The following CTNNA3 variants were observed in gnomAD, a reference collection of about 807,000 sequenced individuals.
CTNNA3 encodes the protein catenin alpha 3, also known as catenin alpha-3.
CTNNA3 carries 76 observed loss-of-function variants against 95.7 expected under a neutral mutation model. The ratio of observed to expected loss-of-function variants is 0.79; its 90% confidence interval spans 0.66 to 0.96. CTNNA3 has a LOEUF of 0.96. CTNNA3 is among the 40% of genes least tolerant of loss of function. The pLI, the probability that CTNNA3 is intolerant of heterozygous loss-of-function variation, is 0.00. For missense variants in CTNNA3, 1,191 were observed against 1,089.8 expected (o/e 1.09, Z -1.31); for synonymous variants, 431 against 374.4 (o/e 1.15, Z -1.74).
At position 66,915,075 on chromosome 10, in the gene CTNNA3, G is replaced by A. The variant is rs372104719; in HGVS notation, c.1048-139551C>T. On this transcript the variant is annotated intron_variant, in intron 7 of 17. Transcript: ENST00000433211. ...AAATTTGTCCAATAGAAGTTTCAGA[G>A]AAAGAGAACAAAGAAAAATGTGGAG... 1.8e-4 allele frequency among the ~76,000 whole-genome samples: 27 copies of A among 150,642 alleles called. No individual in the cohort carries two copies. In the South Asian group the frequency reaches 5.5e-3, roughly 30 times the overall value.
chr10:66,673,831 C>T (rs938952779), intron 9 of CTNNA3, among the ~76,000 whole-genome samples: 2 of 151,884 alleles, frequency 1.3e-5, no homozygotes, highest in Non-Finnish European at 2.9e-5. Context: ...TCTGAGCACA[C>T]TGTCTGGCAA....
chr10:67,052,174 CTACCTTA>C (rs1276772382), intron 7 of CTNNA3, among the ~76,000 whole-genome samples: 3 of 152,174 alleles, frequency 2.0e-5, no homozygotes, highest in African/African-American at 7.2e-5. Flanking sequence ...GCTAGGTCCT[CTACCTTA>C]TCTGTGGTAC....
At position 67,037,379 on chromosome 10, in the gene CTNNA3, A is replaced by G. The variant is rs1389952559; in HGVS notation, c.1047+142938T>C. Among the ~76,000 whole-genome samples, 4 of 129,170 alleles carry G rather than the reference A, an allele frequency of 3.1e-5. No homozygotes were observed. The East Asian group carries it at 8.1e-4, about 26-fold the overall frequency. The allele number at this position is 129,170 out of a possible 152,430, so 84.7% of individuals were successfully genotyped here. ...CAACAATGGAAATCTAAAAAAAAAA[A>G]AGAAAAAAGAAAAAAAAAACATAAT... is the stretch of plus-strand genomic sequence containing the variant. On this transcript the variant is annotated intron_variant, in intron 7 of 17. Transcript: ENST00000433211.
intron 9 of CTNNA3, among the ~76,000 whole-genome samples, chr10:66,764,109 C>A (rs1437857165): frequency 6.6e-6 from 1 of 152,098 alleles, no homozygotes; most frequent in Non-Finnish European, 1.5e-5. Context: ...GAGTGAAAAC[C>A]AGAACTCAAA....
chr10:66,126,520 A>C (rs2082836266), intron 13 of CTNNA3, among the ~76,000 whole-genome samples: 1 of 152,208 alleles, frequency 6.6e-6, no homozygotes, highest in South Asian at 2.1e-4. Flanking sequence ...TGACACTCAG[A>C]TTTTGGTTTC....
rs532308421 is a variant in CTNNA3, at chr10:66,371,351, A to G, written c.1732+7801T>C. ...ATGAAGCTAGTGTCTTGGCCATAGA[A>G]TCATATTCACATCATATATTCTGCT... On this transcript the variant is annotated intron_variant, in intron 12 of 17. Coordinates refer to ENST00000433211, the MANE Select transcript of CTNNA3 (RefSeq NM_013266.4). Among the ~76,000 whole-genome samples, 5 of 152,276 alleles carry G rather than the reference A, an allele frequency of 3.3e-5. No homozygotes were observed. In the South Asian group the frequency reaches 1.0e-3, roughly 32 times the overall value.
intron 9 of CTNNA3, among the ~76,000 whole-genome samples, chr10:66,761,440 G>A (rs531662320): frequency 1.8e-4 from 28 of 151,948 alleles, no homozygotes; most frequent in African/African-American, 6.5e-4. Flanking sequence ...GAAAAATTTC[G>A]GCCTAGATCA....
chr10:66,508,822 T>C (rs1319618075), intron 11 of CTNNA3, among the ~76,000 whole-genome samples: 1 of 152,170 alleles, frequency 6.6e-6, no homozygotes, highest in Non-Finnish European at 1.5e-5. Context: ...ATCTTCGCTC[T>C]TATGAATAGT....
intron 12 of CTNNA3, among the ~76,000 whole-genome samples, chr10:66,304,326 A>C (rs2091903454): frequency 6.6e-6 from 1 of 152,166 alleles, no homozygotes; most frequent in Non-Finnish European, 1.5e-5. Context: ...CTTTTGGAAA[A>C]CAATTTGGTA....
At chr10:67,695,274 CT>C (rs1412291845) in intron 1 of CTNNA3, among the ~76,000 whole-genome samples, 1 of 152,212 alleles carries the variant, frequency 6.6e-6, no homozygotes, top group Admixed American at 6.5e-5. Context: ...AATGAACTTT[CT>C]GATGTCTAAC....
chr10:67,391,478 C>A (rs936499942), intron 5 of CTNNA3, among the ~76,000 whole-genome samples: 1 of 152,106 alleles, frequency 6.6e-6, no homozygotes, highest in African/African-American at 2.4e-5. Flanking sequence ...GGCCATACTG[C>A]CCAAGGTAAT....
At chr10:66,114,074 G>T (rs2082222040) in intron 13 of CTNNA3, among the ~76,000 whole-genome samples, 1 of 152,074 alleles carries the variant, frequency 6.6e-6, no homozygotes, top group South Asian at 2.1e-4. Context: ...CTGAATGTCG[G>T]ATCAAAAATC....
At chr10:66,943,981 T>C (rs957505797) in intron 7 of CTNNA3, among the ~76,000 whole-genome samples, 2 of 152,182 alleles carry the variant, frequency 1.3e-5, no homozygotes, top group East Asian at 3.9e-4. Flanking sequence ...TTGATGTTGA[T>C]GGCTGCAGAC....
chr10:65,926,396 C>T (rs879777986), intron 17 of CTNNA3, among the ~76,000 whole-genome samples: 16 of 151,702 alleles, frequency 1.1e-4, no homozygotes, highest in Admixed American at 1.1e-3. Context: ...TGCATATATT[C>T]AGTTTTATTG....
At chr10:67,122,606 C>A (rs1859526548) in intron 7 of CTNNA3, among the ~76,000 whole-genome samples, 1 of 152,062 alleles carries the variant, frequency 6.6e-6, no homozygotes, top group Non-Finnish European at 1.5e-5. Flanking sequence ...AATACAGTAA[C>A]AAATGCTGCA....
intron 4 of CTNNA3, among the ~76,000 whole-genome samples, chr10:67,530,640 A>C (rs1311269745): frequency 6.6e-6 from 1 of 152,230 alleles, no homozygotes; most frequent in Non-Finnish European, 1.5e-5. Context: ...TTGCAACCTG[A>C]AAATGTGATA....
intron 13 of CTNNA3, among the ~76,000 whole-genome samples, chr10:66,184,252 T>C (rs1029616893): frequency 1.3e-5 from 2 of 152,102 alleles, no homozygotes; most frequent in African/African-American, 4.8e-5. Context: ...TGAGCCAAGA[T>C]TGCACCACTG....
intron 3 of CTNNA3, among the ~76,000 whole-genome samples, chr10:67,553,208 G>C (rs1044822040): frequency 6.6e-6 from 1 of 152,084 alleles, no homozygotes; most frequent in African/African-American, 2.4e-5. Flanking sequence ...CTCCATAATA[G>C]ACCCTCAGGC....
intron 5 of CTNNA3, among the ~76,000 whole-genome samples, chr10:67,306,753 A>G (rs1299427856): frequency 1.3e-5 from 2 of 152,108 alleles, no homozygotes; most frequent in Non-Finnish European, 2.9e-5. Context: ...TTTGGCTCTG[A>G]GCCTCTCTAG....
Sources: allele counts gnomAD v4.1 joint callset (sites outside exome capture counted in the v4.1 genomes callset), GRCh38; gene constraint gnomAD v4.1.1; transcripts MANE v1.5; gene names NCBI Gene and HGNC (gene_info 2026-07-23, HGNC 2026-07-21).